Variants in CAMTA1 observed in about 807,000 individuals in gnomAD.
The protein encoded by CAMTA1 is calmodulin-binding transcription activator 1.
Under a neutral mutation model 170.9 loss-of-function variants are expected in CAMTA1, and 27 were observed. That is an observed-to-expected ratio of 0.16 (90% confidence interval 0.12 to 0.22). CAMTA1 has a LOEUF of 0.22. Ranked by LOEUF, CAMTA1 falls within the 10% of genes least tolerant of loss-of-function variation. The pLI is 1.00. For missense variants in CAMTA1, 1,619 were observed against 2,217.2 expected (o/e 0.73, Z 5.42); for synonymous variants, 833 against 891.5 (o/e 0.93, Z 1.17).
At chr1:7,182,321 G>A (rs2148893964) in intron 4 of CAMTA1, among the ~76,000 whole-genome samples, 1 of 152,130 alleles carries the variant, frequency 6.6e-6, no homozygotes, top group South Asian at 2.1e-4. Context: ...CAGGTGGATT[G>A]CTTGAGCCCA....
In CAMTA1 at chr1:7,642,960, G is replaced by T. The variant is rs2095776400; in HGVS notation, c.664+2407G>T. 6.7e-6 allele frequency among the ~76,000 whole-genome samples: 1 copy of T among 149,930 alleles called. No homozygotes were observed. Among genetic ancestry groups the T allele is most frequent in the African/African-American group, 2.5e-5 (1 of 39,354 alleles). ...ACTCCAGAGGGCTCAGCTTGGTCCT[G>T]CAGAAGCTGCCATGGCTGAGTGCAC... On this transcript the variant is annotated intron_variant, in intron 7 of 22. Coordinates refer to ENST00000303635, the MANE Select transcript of CAMTA1 (RefSeq NM_015215.4). The surrounding 1 kb of genome is among the most constrained non-coding windows in gnomAD (Gnocchi z 6.3).
chr1:7,502,560 C>T (rs1451002908), intron 6 of CAMTA1, among the ~76,000 whole-genome samples: 2 of 152,178 alleles, frequency 1.3e-5, no homozygotes, highest in African/African-American at 4.8e-5. Flanking sequence ...CCCTCCACAT[C>T]TGGAAAGTCG....
intron 6 of CAMTA1, among the ~76,000 whole-genome samples, chr1:7,637,669 C>T (rs1480394926): frequency 6.6e-6 from 1 of 152,174 alleles, no homozygotes; most frequent in Non-Finnish European, 1.5e-5. Context: ...TGGCAGGACC[C>T]GAACCTGGAG....
intron 3 of CAMTA1, among the ~76,000 whole-genome samples, chr1:6,928,454 G>C (rs1444714246): frequency 6.6e-6 from 1 of 152,158 alleles, no homozygotes; most frequent in Non-Finnish European, 1.5e-5. Context: ...TGTAAACTCA[G>C]GTGTCTTAGG....
intron 5 of CAMTA1, among the ~76,000 whole-genome samples, chr1:7,379,445 A>C (rs1268590938): frequency 6.6e-6 from 1 of 152,210 alleles, no homozygotes; most frequent in Non-Finnish European, 1.5e-5. Context: ...CGTTATCTGC[A>C]GAGATTCATT....
chr1:6,931,185 GCTTA>G (rs1260861100), intron 3 of CAMTA1, among the ~76,000 whole-genome samples: 2 of 152,194 alleles, frequency 1.3e-5, no homozygotes, highest in African/African-American at 2.4e-5. Flanking sequence ...CCCCTAGGGA[GCTTA>G]CTTTTAAAAT....
At chr1:6,907,499 C>A (rs12132296) in intron 3 of CAMTA1, among the ~76,000 whole-genome samples, 15,252 of 152,184 alleles carry the variant, frequency 0.1, 924 homozygotes, top group East Asian at 0.24. Context: ...GGGAGTTTCA[C>A]ATGAAGGCAA....
At position 7,325,260 on chromosome 1, in the gene CAMTA1, G is replaced by C. The variant is rs992787006; in HGVS notation, c.438+75634G>C. Among the ~76,000 whole-genome samples the C allele has an allele frequency of 6.6e-6, 1 of 152,198 alleles. No homozygotes were observed. The highest frequency in any genetic ancestry group is 1.5e-5 in the Non-Finnish European group (1 of 68,038). On this transcript the variant is annotated intron_variant, in intron 5 of 22. Transcript: ENST00000303635. The surrounding 1 kb of genome is among the most constrained non-coding windows in gnomAD (Gnocchi z 5.0). ...CACGAGGAAATGATAGAAGATATCA[G>C]AAGGGGTCATGACTGGGAGAAAAAG...
At chr1:7,465,536 A>C (rs2093190401) in intron 5 of CAMTA1, among the ~76,000 whole-genome samples, 1 of 152,164 alleles carries the variant, frequency 6.6e-6, no homozygotes, top group African/African-American at 2.4e-5. Context: ...GTATCTAAAA[A>C]TGGAGTAACC....
In CAMTA1 at chr1:7,766,585, GCACACACGCACACA is replaced by G; in HGVS notation, c.*103_*116del. 2.1e-6 allele frequency: 2 copies of G among 975,322 alleles called. No homozygotes were observed. The highest frequency in any genetic ancestry group is 3.3e-6 in the Non-Finnish European group (2 of 606,958). 60.4% of individuals were successfully genotyped at this position (975,322 alleles called of 1,614,324 possible). ...AGAGACATGCAACAACAACACACACGCACACACGCACACACACACACGTACACACACATACAAAA... is the reference window on the plus strand; with the variant it reads ...AGAGACATGCAACAACAACACACACGCACACACGTACACACACATACAAAA... On this transcript the variant is annotated 3_prime_UTR_variant, in exon 23 of 23. Transcript: ENST00000303635.
At chr1:7,297,457 G>A (rs1019109459) in intron 5 of CAMTA1, among the ~76,000 whole-genome samples, 9 of 152,202 alleles carry the variant, frequency 5.9e-5, no homozygotes, top group Admixed American at 2.0e-4. Flanking sequence ...GGGTTCTCTC[G>A]TCTGGCTTGG....
rs74051075 is a variant in CAMTA1, at chr1:6,988,999, C to A, written c.235-102305C>A. Among the ~76,000 whole-genome samples, 596 of 152,304 alleles carry A rather than the reference C, an allele frequency of 3.9e-3. 5 individuals carry two copies. The highest frequency in any genetic ancestry group is 0.014 in the African/African-American group (582 of 41,556). On this transcript the variant is annotated intron_variant, in intron 3 of 22. Coordinates refer to ENST00000303635, the MANE Select transcript of CAMTA1 (RefSeq NM_015215.4). The stretch of plus-strand genomic sequence containing the variant: ...GAAAGATGGTGTCCCAATGGGGAGG[C>A]CTTCAGAAGAGTTCCACTAGGCCAG...
intron 3 of CAMTA1, among the ~76,000 whole-genome samples, chr1:7,040,584 C>T (rs1298859181): frequency 2.6e-5 from 4 of 152,106 alleles, no homozygotes; most frequent in African/African-American, 7.2e-5. Flanking sequence ...TCAGCTTGCC[C>T]GTCTCCCAGG....
intron 11 of CAMTA1, among the ~76,000 whole-genome samples, chr1:7,724,923 G>T (rs936817647): frequency 2.6e-5 from 4 of 151,922 alleles, no homozygotes; most frequent in Non-Finnish European, 5.9e-5. Context: ...AGAAAATTGA[G>T]GTGCAAAGTG....
At chr1:7,755,440 G>A (rs2096925314) in intron 21 of CAMTA1, among the ~76,000 whole-genome samples, 198 bp from the exon 22 acceptor site, 3 of 150,992 alleles carry the variant, frequency 2.0e-5, no homozygotes, top group South Asian at 4.2e-4. Context: ...TAAGTCATAT[G>A]ACCCCAATTT....
intron 11 of CAMTA1, among the ~76,000 whole-genome samples, chr1:7,708,119 C>G (rs1191601023): frequency 6.6e-6 from 1 of 151,970 alleles, no homozygotes; most frequent in Non-Finnish European, 1.5e-5. Context: ...TTGCTTGAGC[C>G]TAGGAGTTCA....
intron 12 of CAMTA1, among the ~76,000 whole-genome samples, chr1:7,733,988 G>A (rs1003917580): frequency 5.3e-5 from 8 of 151,950 alleles, no homozygotes; most frequent in South Asian, 4.2e-4. Context: ...TTGCTCTGTC[G>A]CCCAGGTGCA....
intron 5 of CAMTA1, among the ~76,000 whole-genome samples, chr1:7,439,489 A>G (rs1033937841): frequency 1.3e-5 from 2 of 152,046 alleles, no homozygotes; most frequent in Non-Finnish European, 2.9e-5. Flanking sequence ...TGATGCCTCC[A>G]TGGAGGGTCG....
intron 4 of CAMTA1, among the ~76,000 whole-genome samples, chr1:7,211,048 C>T (rs1455411336): frequency 6.6e-6 from 1 of 152,150 alleles, no homozygotes; most frequent in Non-Finnish European, 1.5e-5. Flanking sequence ...CACTCATGTA[C>T]CTATCACCTA....
Sources: allele counts gnomAD v4.1 joint callset (sites outside exome capture counted in the v4.1 genomes callset), GRCh38; gene constraint gnomAD v4.1.1; non-coding constraint Gnocchi (gnomAD v3.1); transcripts MANE v1.5; gene names NCBI Gene and HGNC (gene_info 2026-07-23, HGNC 2026-07-21).